The following GRM4 variants were observed in gnomAD, a reference collection of about 807,000 sequenced individuals.
The protein encoded by GRM4 is glutamate metabotropic receptor 4.
Under a neutral mutation model 81.7 loss-of-function variants are expected in GRM4, and 28 were observed. The observed-to-expected ratio is 0.34, with a 90% CI of 0.25 to 0.47. GRM4 has a LOEUF of 0.47. Among genes scored for constraint, GRM4 ranks in the 20% least tolerant of loss-of-function variants. GRM4 has a pLI of 1.00. For synonymous variants in GRM4, 488 were observed against 528.8 expected (o/e 0.92, Z 1.06); for missense variants, 948 against 1,290.0 (o/e 0.73, Z 4.06).
chr6:34,154,704 G>T (rs968620081), intron 1 of GRM4, among the ~76,000 whole-genome samples: 5 of 152,212 alleles, frequency 3.3e-5, no homozygotes, highest in Non-Finnish European at 5.9e-5. Context: ...AGACACGTGG[G>T]GGGGAGTCGG....
In GRM4 at chr6:34,028,241, G is replaced by A. The variant is rs759837939; in HGVS notation, c.2568C>T (p.Arg856=). 2 of 1,613,996 alleles carry A rather than the reference G, an allele frequency of 1.2e-6. No homozygotes were observed. The highest frequency in any genetic ancestry group is 1.7e-5 in the Admixed American group (1 of 60,012). The change falls in exon 10 of 11, where the codon CGC becomes CGT. Residue 856 remains arginine, a synonymous_variant. Coordinates refer to ENST00000538487, the MANE Select transcript of GRM4 (RefSeq NM_000841.4). ...TAACGACGGCTTTGAGGCTGCGCTTGCGCTTGGGCACGTTCTGCTCCGGGT... is the reference window on the plus strand; with the variant it reads ...TAACGACGGCTTTGAGGCTGCGCTTACGCTTGGGCACGTTCTGCTCCGGGT... ...LFHPEQNVPK[R]KRSLKAVVTA...
chr6:34,152,868 G>A lies in GRM4; in HGVS notation c.312+2211C>T, dbSNP rs1031829989. ...CAAGGTGGGAGGGTGGCTGGGGATGGGAAGGTGGGGCATCTCAGGAGGGCC... is the reference window on the plus strand; with the variant it reads ...CAAGGTGGGAGGGTGGCTGGGGATGAGAAGGTGGGGCATCTCAGGAGGGCC... On this transcript the variant is annotated intron_variant, in intron 1 of 8. Coordinates refer to the GRM4 transcript ENST00000374177. This position sits in a 1 kb window ranked among gnomAD's most constrained non-coding sequence, Gnocchi z 4.1. Among the ~76,000 whole-genome samples, 152 of 152,244 alleles carry A rather than the reference G, an allele frequency of 1.0e-3. 2 individuals are homozygous for A. The highest frequency in any genetic ancestry group is 3.4e-3 in the Middle Eastern group (1 of 294).
chr6:34,133,775 T>A lies in GRM4; in HGVS notation c.-279A>T. 1 of 1,212,712 alleles carries A rather than the reference T, an allele frequency of 8.2e-7. No individual in the cohort carries two copies. The highest frequency in any genetic ancestry group is 3.4e-5 in the East Asian group (1 of 29,318). 75.1% of individuals were successfully genotyped at this position (1,212,712 alleles called of 1,614,324 possible). A position where few individuals can be genotyped will look rare whatever the true frequency, so the allele number is the denominator to read the frequency against. ...GTCCTGCAGGCCTGTTCTCGGTGGA[T>A]GACTGTGGAAAGGGCAGAATGCTCC... On this transcript the variant is annotated 5_prime_UTR_variant, in exon 2 of 11. Coordinates refer to ENST00000538487, the MANE Select transcript of GRM4 (RefSeq NM_000841.4). This position sits in a 1 kb window ranked among gnomAD's most constrained non-coding sequence, Gnocchi z 6.5.
intron 2 of GRM4, among the ~76,000 whole-genome samples, chr6:34,123,382 C>T (rs1439428243): frequency 2.6e-5 from 4 of 152,192 alleles, no homozygotes; most frequent in Non-Finnish European, 5.9e-5. Flanking sequence ...GGCCACACCC[C>T]TCGAACGCCC....
At position 34,114,707 on chromosome 6, in the gene GRM4, C is replaced by A. The variant is rs1055941006; in HGVS notation, c.519+18271G>T. On this transcript the variant is annotated intron_variant, in intron 2 of 10. Transcript: ENST00000538487. The surrounding 1 kb of genome is among the most constrained non-coding windows in gnomAD (Gnocchi z 4.3). ...CCTCTGACAAAGGCTGCCCCATGCA[C>A]GCCTTGTCAGAACTGCCCTCGCCCT... Among the ~76,000 whole-genome samples the A allele has an allele frequency of 6.6e-6, 1 of 152,114 alleles. No homozygotes were observed. The highest frequency in any genetic ancestry group is 1.5e-5 in the Non-Finnish European group (1 of 68,034).
intron 6 of GRM4, among the ~76,000 whole-genome samples, chr6:34,041,784 C>T (rs1765032160): frequency 6.6e-6 from 1 of 152,162 alleles, no homozygotes; most frequent in African/African-American, 2.4e-5. Flanking sequence ...TGGTTCTTGG[C>T]CTGGGCCCTG....
At position 34,111,595 on chromosome 6, in the gene GRM4, AG is replaced by A. The variant is rs926426839; in HGVS notation, c.520-19497del. ...TGCTGTCCCCCATCCACACCCCGGC[AG>A]GGGACAGCTTTCTGCAGGGCTGGAT... On this transcript the variant is annotated intron_variant, in intron 2 of 10. Coordinates refer to ENST00000538487, the MANE Select transcript of GRM4 (RefSeq NM_000841.4). The surrounding 1 kb of genome is among the most constrained non-coding windows in gnomAD (Gnocchi z 5.1). Among the ~76,000 whole-genome samples the A allele has an allele frequency of 1.3e-5, 2 of 152,100 alleles. No homozygotes were observed. Among genetic ancestry groups the A allele is most frequent in the Non-Finnish European group, 2.9e-5 (2 of 67,988 alleles).
At chr6:34,095,141 A>G (rs1371319662) in intron 2 of GRM4, among the ~76,000 whole-genome samples, 1 of 152,112 alleles carries the variant, frequency 6.6e-6, no homozygotes, top group Admixed American at 6.6e-5. Context: ...AGAGCCCCGG[A>G]CCCCTGATTT....
intron 2 of GRM4, among the ~76,000 whole-genome samples, chr6:34,132,555 A>ATCTG (rs61629874): frequency 7.6e-4 from 115 of 152,106 alleles, no homozygotes; most frequent in Non-Finnish European, 1.1e-3. Flanking sequence ...CATTCTTCTT[A>ATCTG]TCTGTCTGTC....
rs191772827 is a variant in GRM4 at position 34,046,311 on chromosome 6, T to G, written c.1169-5563A>C. Reference sequence around the variant, plus strand: ...GCATGCTCTAACACAGATGTACATATAAATGCTTCTAATATAGCTACAGCT... The same window carrying G: ...GCATGCTCTAACACAGATGTACATAGAAATGCTTCTAATATAGCTACAGCT... On this transcript the variant is annotated intron_variant, in intron 6 of 10. Coordinates refer to ENST00000538487, the MANE Select transcript of GRM4 (RefSeq NM_000841.4). Among the ~76,000 whole-genome samples the G allele has an allele frequency of 2.2e-4, 33 of 152,302 alleles. No individual in the cohort carries two copies. In the East Asian group the frequency reaches 6.2e-3, roughly 28 times the overall value.
chr6:34,093,042 C>G (rs552321557), intron 2 of GRM4, among the ~76,000 whole-genome samples: 1 of 152,178 alleles, frequency 6.6e-6, no homozygotes, highest in East Asian at 1.9e-4. Context: ...TTCCTGTGTG[C>G]CCTCTGCCCG....
chr6:34,074,253 T>A lies in GRM4; in HGVS notation c.737-12225A>T, dbSNP rs982555100. ...TACTGCTTCGTGATGAAAGCCACGT[T>A]GCCCACTCTCCAACCCTCCATTTCC... On this transcript the variant is annotated intron_variant, in intron 3 of 10. Coordinates refer to ENST00000538487, the MANE Select transcript of GRM4 (RefSeq NM_000841.4). The surrounding 1 kb of genome is among the most constrained non-coding windows in gnomAD (Gnocchi z 4.9). Among the ~76,000 whole-genome samples the A allele has an allele frequency of 2.6e-5, 4 of 152,210 alleles. No individual in the cohort carries two copies. The highest frequency in any genetic ancestry group is 4.8e-5 in the African/African-American group (2 of 41,452).
At chr6:34,104,285 G>A (rs1250080720) in intron 2 of GRM4, among the ~76,000 whole-genome samples, 1 of 152,226 alleles carries the variant, frequency 6.6e-6, no homozygotes, top group Non-Finnish European at 1.5e-5. Flanking sequence ...TGGGGACATG[G>A]AGCAGGCTGG....
In GRM4 at chr6:34,040,515, C is replaced by A. The variant is rs769722106; in HGVS notation, c.1369+33G>T. ...CCCCTCGGGCATGGCCCAGGATACC[C>A]AGGGTCAGGCACAGTCCGCACCACA... On this transcript the variant is annotated intron_variant, in intron 7 of 10. Coordinates refer to ENST00000538487, the MANE Select transcript of GRM4 (RefSeq NM_000841.4). 4.4e-5 allele frequency: 69 copies of A among 1,585,090 alleles called. 2 individuals carry two copies. The Middle Eastern group carries it at 7.2e-3, about 165-fold the overall frequency.
chr6:34,075,962 G>A (rs78844597), intron 3 of GRM4, among the ~76,000 whole-genome samples: 2,058 of 152,302 alleles, frequency 0.014, 42 homozygotes, highest in African/African-American at 0.044. Flanking sequence ...GGGAGCCAGC[G>A]CTGGGCTAGT....
At chr6:34,039,869 TG>T (rs1764912587) in intron 8 of GRM4, among the ~76,000 whole-genome samples, 1 of 131,074 alleles carries the variant, frequency 7.6e-6, no homozygotes, top group African/African-American at 2.9e-5. Context: ...CATTTCACAC[TG>T]GTGTGAATTC....
intron 5 of GRM4, among the ~76,000 whole-genome samples, chr6:34,057,897 G>A (rs993043463): frequency 1.3e-5 from 2 of 152,212 alleles, no homozygotes; most frequent in African/African-American, 4.8e-5. Flanking sequence ...CACCATAGCA[G>A]TTATTGTTAT....
At chr6:34,151,509 C>T (rs1771044991) in intron 1 of GRM4, among the ~76,000 whole-genome samples, 1 of 152,180 alleles carries the variant, frequency 6.6e-6, no homozygotes, top group South Asian at 2.1e-4. Context: ...TTTAAAAGCC[C>T]CTTCCGCCCA....
Position 34,019,079 on chromosome 6 carries a change from GGAGGCT to G in GRM4, c.*3736_*3741del, listed in dbSNP as rs1476020357. On this transcript the variant is annotated 3_prime_UTR_variant, in exon 11 of 11. Coordinates refer to ENST00000538487, the MANE Select transcript of GRM4 (RefSeq NM_000841.4). Reference sequence around the variant, plus strand: ...GCTCCCCAGGACCCCTTGGAGGCCTGGAGGCTGAGGCAGTGTGGGGGCAGCTGGCAT... The same window carrying G: ...GCTCCCCAGGACCCCTTGGAGGCCTGGAGGCAGTGTGGGGGCAGCTGGCAT... 2 of 152,334 alleles carry G rather than the reference GGAGGCT, an allele frequency of 1.3e-5. No homozygotes were observed. Among genetic ancestry groups the G allele is most frequent in the African/African-American group, 4.8e-5 (2 of 41,464 alleles). The allele number at this position is 152,334 out of a possible 1,614,324, so 9.4% of individuals were successfully genotyped here. A position where few individuals can be genotyped will look rare whatever the true frequency, so the allele number is the denominator to read the frequency against.
Sources: allele counts gnomAD v4.1 joint callset (sites outside exome capture counted in the v4.1 genomes callset), GRCh38; gene constraint gnomAD v4.1.1; non-coding constraint Gnocchi (gnomAD v3.1); transcripts MANE v1.5; gene names NCBI Gene and HGNC (gene_info 2026-07-23, HGNC 2026-07-21).